HDAC9: variants seen among roughly 807,000 people sequenced by gnomAD.
The protein encoded by HDAC9 is MEF-2 interacting transcription repressor (MITR) protein.
Under a neutral mutation model 139.4 loss-of-function variants are expected in HDAC9, and 41 were observed. That is an observed-to-expected ratio of 0.29 (90% CI 0.23 to 0.38). The LOEUF (loss-of-function observed/expected upper bound fraction) is 0.38, where lower values mean the gene tolerates loss of function less well. Among genes scored for constraint, HDAC9 ranks in the 10% least tolerant of loss-of-function variants. The probability of loss-of-function intolerance (pLI) is 1.00; values close to 1 mark genes in which losing one functional copy is unlikely to be tolerated. For synonymous variants in HDAC9, 517 were observed against 476.2 expected (o/e 1.09, Z -1.12); for missense variants, 1,147 against 1,297.0 (o/e 0.88, Z 1.78).
intron 2 of HDAC9, among the ~76,000 whole-genome samples, chr7:18,508,325 G>T (rs1031600649): frequency 7.2e-5 from 11 of 152,114 alleles, no homozygotes; most frequent in African/African-American, 2.7e-4. Flanking sequence ...GTTTAATTTG[G>T]TCTAAGTCAA....
rs144590594 is a variant in HDAC9 at position 18,542,876 on chromosome 7, T to C, written c.23-42405T>C. ...GTTAAAAATTAATGAAGTATATTAA[T>C]TACTGTTATTTATAATGGCAAAATT... On this transcript the variant is annotated intron_variant, in intron 2 of 25. Coordinates refer to ENST00000686413, the MANE Select transcript of HDAC9 (RefSeq NM_178425.4). 4.6e-3 allele frequency among the ~76,000 whole-genome samples: 693 copies of C among 152,270 alleles called. 5 individuals are homozygous for C. The highest frequency in any genetic ancestry group is 0.016 in the African/African-American group (654 of 41,570).
intron 1 of HDAC9, among the ~76,000 whole-genome samples, chr7:18,126,256 C>T (rs984948849): frequency 7.9e-5 from 12 of 152,078 alleles, no homozygotes; most frequent in African/African-American, 2.9e-4. Context: ...GTAAAAGATC[C>T]TTGAGGAAGT....
intron 2 of HDAC9, among the ~76,000 whole-genome samples, chr7:18,212,204 A>G (rs966389717): frequency 5.9e-5 from 9 of 152,186 alleles, no homozygotes; most frequent in Non-Finnish European, 8.8e-5. Flanking sequence ...TTTAAATTAG[A>G]AGAAAAAATC....
At chr7:18,592,811 A>T (rs189575291) in intron 5 of HDAC9, among the ~76,000 whole-genome samples, 3 of 152,296 alleles carry the variant, frequency 2.0e-5, no homozygotes, top group Admixed American at 2.0e-4. Context: ...CGAATGATTT[A>T]AAAAGAAACA....
chr7:18,297,258 A>G (rs1482024322), intron 1 of HDAC9, among the ~76,000 whole-genome samples: 2 of 152,218 alleles, frequency 1.3e-5, no homozygotes, highest in African/African-American at 4.8e-5. Context: ...TTTATTTAAA[A>G]AACTTTTAAT....
chr7:18,901,437 C>A (rs1048605391), intron 22 of HDAC9, among the ~76,000 whole-genome samples: 50 of 151,988 alleles, frequency 3.3e-4, no homozygotes, highest in African/African-American at 1.2e-3. Flanking sequence ...TTTGATATTT[C>A]AACTGCATCA....
At chr7:18,933,596 A>G (rs1228592234) in intron 22 of HDAC9, among the ~76,000 whole-genome samples, 1 of 151,816 alleles carries the variant, frequency 6.6e-6, no homozygotes, top group East Asian at 1.9e-4. Flanking sequence ...TAAAGTTACA[A>G]TGAATACAAG....
At chr7:18,269,626 G>A (rs1796224164) in intron 2 of HDAC9, among the ~76,000 whole-genome samples, 1 of 152,166 alleles carries the variant, frequency 6.6e-6, no homozygotes, top group Non-Finnish European at 1.5e-5. Flanking sequence ...GGAGGCTGAG[G>A]TGGGAGGATT....
At chr7:18,944,635 T>C (rs768625840) in intron 23 of HDAC9, among the ~76,000 whole-genome samples, 3 of 152,140 alleles carry the variant, frequency 2.0e-5, no homozygotes, top group Non-Finnish European at 4.4e-5. Flanking sequence ...AGAGATCACA[T>C]ATGTAATGAT....
rs190653521 is a variant in HDAC9 at position 18,929,586 on chromosome 7, G to A, written c.2804-6223G>A. Among the ~76,000 whole-genome samples the A allele has an allele frequency of 2.6e-3, 388 of 152,078 alleles. 1 individual carries two copies. Among genetic ancestry groups the A allele is most frequent in the African/African-American group, 9.1e-3 (376 of 41,526 alleles). On this transcript the variant is annotated intron_variant, in intron 22 of 25. Coordinates refer to ENST00000686413, the MANE Select transcript of HDAC9 (RefSeq NM_178425.4). ...GTAGTAGATGTGGTGTTTGATTAAT[G>A]CCTCATTCTAAAATATTTCCTAAAA...
intron 1 of HDAC9, among the ~76,000 whole-genome samples, chr7:18,360,825 G>A (rs1025262214): frequency 2.6e-5 from 4 of 152,066 alleles, no homozygotes; most frequent in African/African-American, 7.3e-5. Context: ...AGTGTCTAGA[G>A]CATTTGTTTA....
chr7:18,124,742 C>T (rs1231095462), intron 1 of HDAC9, among the ~76,000 whole-genome samples: 1 of 152,070 alleles, frequency 6.6e-6, no homozygotes, highest in Non-Finnish European at 1.5e-5. Flanking sequence ...CTTCCATTTG[C>T]CTTGCCCCCA....
intron 16 of HDAC9, among the ~76,000 whole-genome samples, 171 bp downstream of exon 16, chr7:18,767,326 T>C (rs916437140): frequency 1.6e-4 from 25 of 152,202 alleles, no homozygotes; most frequent in Non-Finnish European, 1.2e-4. Flanking sequence ...TGGCAGCCCT[T>C]GTTAAAAATA....
At chr7:18,938,864 A>G (rs929955112) in intron 23 of HDAC9, among the ~76,000 whole-genome samples, 1 of 152,218 alleles carries the variant, frequency 6.6e-6, no homozygotes, top group Non-Finnish European at 1.5e-5. Flanking sequence ...AAGAATGACA[A>G]TGATGTCACC....
At chr7:18,931,660 G>A (rs908181494) in intron 22 of HDAC9, among the ~76,000 whole-genome samples, 1 of 152,014 alleles carries the variant, frequency 6.6e-6, no homozygotes, top group Admixed American at 6.6e-5. Flanking sequence ...ATGCATTACC[G>A]GGATTAATGT....
At position 18,821,343 on chromosome 7, in the gene HDAC9, T is replaced by C. The variant is rs144874740; in HGVS notation, c.2323-7818T>C. Among the ~76,000 whole-genome samples, 38 of 152,182 alleles carry C rather than the reference T, an allele frequency of 2.5e-4. 1 individual carries two copies. The East Asian group carries it at 7.3e-3, about 29-fold the overall frequency. On this transcript the variant is annotated intron_variant, in intron 17 of 25. Transcript: ENST00000686413. The stretch of plus-strand genomic sequence containing the variant: ...GTGACTGATAGAGGCTTAGGAATGG[T>C]TTCTCTGGTGAAATGATGTTGGAGC...
intron 2 of HDAC9, among the ~76,000 whole-genome samples, chr7:18,499,546 A>G (rs772535190): frequency 1.2e-4 from 18 of 152,234 alleles, no homozygotes; most frequent in Middle Eastern, 6.8e-3. Context: ...CTGTGGCAGA[A>G]AGTGAAGCAT....
At chr7:18,438,371 C>G (rs1243454068) in intron 1 of HDAC9, among the ~76,000 whole-genome samples, 2 of 152,036 alleles carry the variant, frequency 1.3e-5, no homozygotes, top group East Asian at 3.8e-4. Flanking sequence ...CTCTGATATA[C>G]TATTAGAAAA....
intron 12 of HDAC9, among the ~76,000 whole-genome samples, chr7:18,713,994 T>A (rs1428835421): frequency 6.6e-6 from 1 of 152,228 alleles, no homozygotes; most frequent in African/African-American, 2.4e-5. Flanking sequence ...ACTATGAACG[T>A]TTAAATAACA....
Sources: gnomAD v4.1 joint callset for allele counts (sites outside exome capture counted in the v4.1 genomes callset) on GRCh38, gnomAD v4.1.1 for gene constraint, MANE v1.5 for transcripts, NCBI Gene and HGNC (gene_info 2026-07-23, HGNC 2026-07-21) for gene names.